Variants in CCDC85A observed in about 807,000 individuals in gnomAD.
CCDC85A encodes the protein coiled-coil domain containing 85A.
A neutral mutation model predicts 50.2 loss-of-function variants in CCDC85A; 38 were observed. The observed-to-expected ratio is 0.76, with a 90% CI of 0.58 to 0.99. The LOEUF is 0.99. CCDC85A is among the 50% of genes least tolerant of loss of function. The pLI is 0.00. For missense variants in CCDC85A, 820 were observed against 742.0 expected (o/e 1.11, Z -1.22); for synonymous variants, 366 against 301.4 (o/e 1.21, Z -2.22).
chr2:56,240,520 A>G (rs569433284), intron 2 of CCDC85A, among the ~76,000 whole-genome samples: 21 of 152,118 alleles, frequency 1.4e-4, no homozygotes, highest in African/African-American at 4.6e-4. Context: ...GTTTTGTCCA[A>G]TTCTTTGTTC....
chr2:56,383,795 T>C, intron 5 of CCDC85A: 1 of 947,112 alleles, frequency 1.1e-6, no homozygotes, highest in Non-Finnish European at 1.3e-6. Flanking sequence ...ATATCCTTTG[T>C]TATGGATGTA....
intron 1 of CCDC85A, among the ~76,000 whole-genome samples, chr2:56,191,098 C>T (rs560556362): frequency 6.6e-6 from 1 of 152,300 alleles, no homozygotes; most frequent in East Asian, 1.9e-4. Flanking sequence ...TTTACTTGCC[C>T]TCTCCCTGCC....
At chr2:56,249,275 C>T (rs973145662) in intron 2 of CCDC85A, among the ~76,000 whole-genome samples, 3 of 152,244 alleles carry the variant, frequency 2.0e-5, no homozygotes, top group Non-Finnish European at 4.4e-5. Context: ...GTACCAATGC[C>T]AGACCACAGA....
At chr2:56,211,466 C>T (rs529954651) in intron 2 of CCDC85A, among the ~76,000 whole-genome samples, 22 of 151,920 alleles carry the variant, frequency 1.4e-4, no homozygotes, top group Admixed American at 3.9e-4. Context: ...TTAAAACATC[C>T]TGTGGGTGTT....
At chr2:56,330,900 A>G (rs1673756731) in intron 2 of CCDC85A, among the ~76,000 whole-genome samples, 1 of 152,198 alleles carries the variant, frequency 6.6e-6, no homozygotes, top group African/African-American at 2.4e-5. Context: ...AGTGATCATC[A>G]TATCAAAAAG....
At chr2:56,220,186 A>G (rs544471826) in intron 2 of CCDC85A, among the ~76,000 whole-genome samples, 3 of 152,038 alleles carry the variant, frequency 2.0e-5, no homozygotes, top group African/African-American at 7.2e-5. Flanking sequence ...TCGTGCATAT[A>G]TTTGTCAGTA....
At chr2:56,349,236 C>T (rs1478751642) in intron 3 of CCDC85A, among the ~76,000 whole-genome samples, 1 of 152,118 alleles carries the variant, frequency 6.6e-6, no homozygotes, top group African/African-American at 2.4e-5. Flanking sequence ...AAAATGGACT[C>T]TACCAAATGA....
At chr2:56,312,201 C>T (rs1558635612) in intron 2 of CCDC85A, among the ~76,000 whole-genome samples, 2 of 152,082 alleles carry the variant, frequency 1.3e-5, no homozygotes, top group Non-Finnish European at 2.9e-5. Flanking sequence ...TTATAGCAAA[C>T]ATCTATCAAG....
intron 2 of CCDC85A, among the ~76,000 whole-genome samples, chr2:56,329,211 G>T (rs139539681): frequency 5.1e-4 from 77 of 152,206 alleles, no homozygotes; most frequent in African/African-American, 1.8e-3. Context: ...TATTCTTGCC[G>T]CTTGGAAAGC....
chr2:56,250,696 T>G (rs538105831), intron 2 of CCDC85A, among the ~76,000 whole-genome samples: 1 of 152,332 alleles, frequency 6.6e-6, no homozygotes, highest in African/African-American at 2.4e-5. Context: ...TAATGTGTGC[T>G]TCTTGAAAAA....
intron 2 of CCDC85A, among the ~76,000 whole-genome samples, chr2:56,316,829 T>G (rs1302841808): frequency 6.6e-6 from 1 of 152,160 alleles, no homozygotes; most frequent in Non-Finnish European, 1.5e-5. Flanking sequence ...TGGCAAAATG[T>G]CACTTTTTTA....
chr2:56,296,210 A>G (rs1671940472), intron 2 of CCDC85A, among the ~76,000 whole-genome samples: 1 of 152,068 alleles, frequency 6.6e-6, no homozygotes, highest in African/African-American at 2.4e-5. Context: ...TATGTGTTTG[A>G]TGGCCTGGGT....
chr2:56,274,503 T>A (rs540114160), intron 2 of CCDC85A, among the ~76,000 whole-genome samples: 70 of 152,296 alleles, frequency 4.6e-4, no homozygotes, highest in African/African-American at 1.1e-3. Flanking sequence ...ATTGCTTCCT[T>A]TTCAGGAAAC....
chr2:56,362,794 A>T (rs1675597333), intron 3 of CCDC85A, among the ~76,000 whole-genome samples: 1 of 149,430 alleles, frequency 6.7e-6, no homozygotes, highest in African/African-American at 2.5e-5. Flanking sequence ...AATTTTTTGT[A>T]TTTTTTTTTA....
At chr2:56,269,587 C>T (rs928989867) in intron 2 of CCDC85A, among the ~76,000 whole-genome samples, 2 of 152,090 alleles carry the variant, frequency 1.3e-5, no homozygotes, top group Non-Finnish European at 2.9e-5. Context: ...TCATCAAATT[C>T]TCCAGAGAAA....
At chr2:56,234,598 A>G (rs1235548989) in intron 2 of CCDC85A, among the ~76,000 whole-genome samples, 1 of 152,048 alleles carries the variant, frequency 6.6e-6, no homozygotes, top group East Asian at 1.9e-4. Flanking sequence ...TCTTTTTCTC[A>G]AATGTACCTA....
chr2:56,364,298 G>T (rs952759892), intron 3 of CCDC85A, among the ~76,000 whole-genome samples: 1 of 151,106 alleles, frequency 6.6e-6, no homozygotes, highest in African/African-American at 2.4e-5. Context: ...AAGGCATCCT[G>T]CTAACCTTCT....
chr2:56,340,744 C>G (rs1674321286), intron 2 of CCDC85A, among the ~76,000 whole-genome samples: 1 of 151,906 alleles, frequency 6.6e-6, no homozygotes, highest in South Asian at 2.1e-4. Context: ...GGCGTGGTGG[C>G]ACATGCCTGT....
intron 2 of CCDC85A, among the ~76,000 whole-genome samples, chr2:56,312,313 T>C (rs1483013943): frequency 6.6e-6 from 1 of 152,092 alleles, no homozygotes; most frequent in African/African-American, 2.4e-5. Context: ...TTTCGTGGAC[T>C]GTGTTGGAAC....
Sources: gnomAD v4.1 joint callset for allele counts (sites outside exome capture counted in the v4.1 genomes callset) on GRCh38, gnomAD v4.1.1 for gene constraint, MANE v1.5 for transcripts, NCBI Gene and HGNC (gene_info 2026-07-23, HGNC 2026-07-21) for gene names.